The following PRELID2 variants were observed in gnomAD, a reference collection of about 807,000 sequenced individuals.
The protein encoded by PRELID2 is PRELI domain-containing protein 2.
PRELID2 carries 25 observed loss-of-function variants against 28.4 expected under a neutral mutation model. That is an observed-to-expected ratio of 0.88 (90% CI 0.64 to 1.23). The LOEUF is 1.23. Ranked by LOEUF, PRELID2 falls within the 50% of genes most tolerant of loss-of-function variation. The pLI, the probability that PRELID2 is intolerant of heterozygous loss-of-function variation, is 0.00. For synonymous variants in PRELID2, 76 were observed against 71.6 expected (o/e 1.06, Z -0.31); for missense variants, 201 against 214.4 (o/e 0.94, Z 0.39).
chr5:145,363,293 C>G, the PRELID2 span, among the ~76,000 whole-genome samples: 1 of 151,926 alleles, frequency 6.6e-6, no homozygotes. Flanking sequence ...CTTAAGGGCC[C>G]CAAATAAATG....
At chr5:145,794,442 A>G (rs1752599514) in intron 5 of PRELID2, among the ~76,000 whole-genome samples, 1 of 152,168 alleles carries the variant, frequency 6.6e-6, no homozygotes, top group Admixed American at 6.6e-5. Context: ...CTAGGTAGGC[A>G]AGGATTTCAC....
chr5:145,779,638 G>C (rs6893873), intron 5 of PRELID2, among the ~76,000 whole-genome samples: 2,403 of 152,112 alleles, frequency 0.016, 53 homozygotes, highest in Admixed American at 0.043. Flanking sequence ...CGCCAATTTG[G>C]GTAATAATGA....
At chr5:145,326,705 G>A in the PRELID2 span, among the ~76,000 whole-genome samples, 1 of 151,778 alleles carries the variant, frequency 6.6e-6, no homozygotes, top group Middle Eastern at 3.2e-3. Context: ...AGTGGTGAAA[G>A]AACAATTATG....
the PRELID2 span, among the ~76,000 whole-genome samples, chr5:145,265,572 T>C: frequency 6.6e-6 from 1 of 152,108 alleles, no homozygotes; most frequent in Non-Finnish European, 1.5e-5. Flanking sequence ...CAAACTATAC[T>C]GTAAGTCCAT....
the PRELID2 span, among the ~76,000 whole-genome samples, chr5:145,458,983 C>T: frequency 1.3e-5 from 2 of 152,232 alleles, no homozygotes; most frequent in Admixed American, 1.3e-4. Context: ...TATAAATTAT[C>T]ATTGGAGTTT....
chr5:145,402,122 T>A, the PRELID2 span, among the ~76,000 whole-genome samples: 2 of 152,220 alleles, frequency 1.3e-5, no homozygotes, highest in Non-Finnish European at 2.9e-5. Context: ...TTTCACATGC[T>A]TTATTTTAAC....
chr5:145,643,601 G>A (rs1183003657), intron 1 of PRELID2, among the ~76,000 whole-genome samples: 1 of 152,180 alleles, frequency 6.6e-6, no homozygotes, highest in African/African-American at 2.4e-5. Flanking sequence ...GGATTTCAAA[G>A]GGAATGCTTC....
chr5:145,728,571 T>A, intron 1 of PRELID2: 1 of 853,780 alleles, frequency 1.2e-6, no homozygotes. Flanking sequence ...GAATGAATTG[T>A]TGATCATGGC....
chr5:145,611,671 CA>C (rs1355646063), intron 1 of PRELID2, among the ~76,000 whole-genome samples: 8 of 152,112 alleles, frequency 5.3e-5, no homozygotes, highest in Non-Finnish European at 1.0e-4. Flanking sequence ...TTATCAGATA[CA>C]CAAAGACACA....
At chr5:145,363,566 C>G in the PRELID2 span, among the ~76,000 whole-genome samples, 2 of 151,976 alleles carry the variant, frequency 1.3e-5, no homozygotes, top group Admixed American at 1.3e-4. Context: ...CCTTAAATGT[C>G]TAATGTTTAT....
chr5:145,571,493 A>C (rs1753014552), intron 1 of PRELID2, among the ~76,000 whole-genome samples: 1 of 152,228 alleles, frequency 6.6e-6, no homozygotes, highest in African/African-American at 2.4e-5. Flanking sequence ...ATAGCAGGCA[A>C]TGAAAGAAAT....
At chr5:145,729,418 A>T in intron 1 of PRELID2, 1 of 389,802 alleles carries the variant, frequency 2.6e-6, no homozygotes, top group South Asian at 4.1e-5. Flanking sequence ...CTTCAAGATG[A>T]CTTTACTTGC....
At chr5:145,615,261 C>T (rs1252157113) in intron 1 of PRELID2, among the ~76,000 whole-genome samples, 8 of 151,718 alleles carry the variant, frequency 5.3e-5, no homozygotes, top group Non-Finnish European at 1.2e-4. Flanking sequence ...GTATAAAATG[C>T]CTTCTTCCAC....
chr5:145,571,622 C>T (rs902214638), intron 1 of PRELID2, among the ~76,000 whole-genome samples: 1 of 152,154 alleles, frequency 6.6e-6, no homozygotes, highest in African/African-American at 2.4e-5. Context: ...CCAGACTTTT[C>T]CTTGATCCAG....
chr5:145,343,473 GA>G, the PRELID2 span, among the ~76,000 whole-genome samples: 928 of 147,138 alleles, frequency 6.3e-3, 11 homozygotes, highest in African/African-American at 0.021. Context: ...TAAAACAAAT[GA>G]AAAAAAAACA....
chr5:145,710,230 TATATG>T (rs1293452207), intron 1 of PRELID2, among the ~76,000 whole-genome samples: 5 of 152,182 alleles, frequency 3.3e-5, no homozygotes, highest in African/African-American at 9.6e-5. Flanking sequence ...ATATGTTATA[TATATG>T]ATAAGTATAA....
chr5:145,456,103 A>C, the PRELID2 span, among the ~76,000 whole-genome samples: 5 of 152,200 alleles, frequency 3.3e-5, no homozygotes, highest in Non-Finnish European at 5.9e-5. Context: ...TACGAATGCT[A>C]CTAAAGGTGA....
chr5:145,733,244 AG>A (rs1169629941), intron 1 of PRELID2, among the ~76,000 whole-genome samples: 2 of 152,182 alleles, frequency 1.3e-5, no homozygotes, highest in African/African-American at 4.8e-5. Context: ...CCTGGAAGAC[AG>A]AGTGAGATCT....
the PRELID2 span, among the ~76,000 whole-genome samples, chr5:145,280,810 A>C: frequency 6.6e-5 from 10 of 151,806 alleles, no homozygotes; most frequent in Admixed American, 3.9e-4. Context: ...CATGAAAAAA[A>C]AAAAAAACAG....
Sources: allele counts gnomAD v4.1 joint callset (sites outside exome capture counted in the v4.1 genomes callset), GRCh38; gene constraint gnomAD v4.1.1; transcripts MANE v1.5; gene names NCBI Gene and HGNC (gene_info 2026-07-23, HGNC 2026-07-21).